Variants in HMGXB4 observed in about 807,000 individuals in gnomAD.
HMGXB4 encodes the protein HMG domain-containing protein 4.
Under a neutral mutation model 63.9 loss-of-function variants are expected in HMGXB4, and 27 were observed. The observed-to-expected ratio is 0.42, with a 90% CI of 0.31 to 0.58. The LOEUF is 0.58. Among genes scored for constraint, HMGXB4 ranks in the 20% least tolerant of loss-of-function variants. The pLI is 0.13. For missense variants in HMGXB4, 624 were observed against 700.7 expected, an observed-to-expected ratio of 0.89 and a Z score of 1.24; for synonymous variants, 264 against 265.3, an observed-to-expected ratio of 0.99 and a Z score of 0.05.
intron 1 of HMGXB4, chr22:35,262,015 G>T: frequency 4.7e-6 from 1 of 210,948 alleles, no homozygotes; most frequent in Admixed American, 5.4e-5. Flanking sequence ...CCCTGTCTCA[G>T]TGTTGTCAGT....
chr22:35,249,172 C>CCACAGACAAGGACCAG, the HMGXB4 span, among the ~76,000 whole-genome samples: 818 of 100,768 alleles, frequency 8.1e-3, 97 homozygotes, highest in Middle Eastern at 0.025. Flanking sequence ...GATTCTCCTG[C>CCACAGACAAGGACCAG]CTCGGCCTCC....
chr22:35,262,536 C>A, intron 2 of HMGXB4, 115 bp downstream of exon 2: 1 of 1,072,122 alleles, frequency 9.3e-7, no homozygotes, highest in South Asian at 1.3e-5. Context: ...AAGTGATGGT[C>A]CAGAGCACTG....
intron 5 of HMGXB4, among the ~76,000 whole-genome samples, chr22:35,280,975 A>G (rs1924206795): frequency 6.6e-6 from 1 of 152,232 alleles, no homozygotes; most frequent in South Asian, 2.1e-4. Flanking sequence ...TATTAGAATG[A>G]CATATTTAAC....
chr22:35,242,771 T>A, the HMGXB4 span, among the ~76,000 whole-genome samples: 187 of 152,266 alleles, frequency 1.2e-3, 1 homozygote, highest in African/African-American at 4.4e-3. Flanking sequence ...TATATTTCCC[T>A]CTCGGCCCGC....
At chr22:35,283,582 G>A (rs969323759) in intron 5 of HMGXB4, among the ~76,000 whole-genome samples, 1 of 152,138 alleles carries the variant, frequency 6.6e-6, no homozygotes, top group Non-Finnish European at 1.5e-5. Flanking sequence ...CTGAGGTCAG[G>A]AGTTCGAGAC....
chr22:35,265,881 G>A (rs1923212735), intron 5 of HMGXB4, among the ~76,000 whole-genome samples: 2 of 151,098 alleles, frequency 1.3e-5, no homozygotes, highest in Admixed American at 6.6e-5. Context: ...CCTCCTCCCA[G>A]GTTCAAGCCT....
At chr22:35,251,366 C>T in the HMGXB4 span, among the ~76,000 whole-genome samples, 2 of 152,190 alleles carry the variant, frequency 1.3e-5, no homozygotes, top group Non-Finnish European at 2.9e-5. Context: ...TAAGCCACCG[C>T]GCCCGGCCTA....
the HMGXB4 span, among the ~76,000 whole-genome samples, chr22:35,242,530 G>GCTCTCTCTCT: frequency 6.8e-5 from 10 of 146,066 alleles, no homozygotes; most frequent in African/African-American, 2.3e-4. Flanking sequence ...ATAGTAATCT[G>GCTCTCTCTCT]CTCTCTCTCT....
chr22:35,250,496 G>A, the HMGXB4 span, among the ~76,000 whole-genome samples: 1 of 152,132 alleles, frequency 6.6e-6, no homozygotes, highest in Non-Finnish European at 1.5e-5. Flanking sequence ...CATTACAGGA[G>A]CACAGCACCA....
chr22:35,265,014 A>G lies in HMGXB4; in HGVS notation c.626A>G (p.Glu209Gly). ...AAGGGAAGCAGCTCTGTTGATGAGG[A>G]GTCTTTTCAATATCCCTCCCAACAA... ...KEKGSSSVDE[E>G]SFQYPSQQAT... Residue 209 changes from glutamate to glycine, a missense_variant, in exon 5 of 11, where the codon GAG (glutamate) becomes GGG (glycine). Glu to Gly is a moderately conservative substitution (Grantham distance 98, BLOSUM62 -2). This residue lies in a region of HMGXB4 where 472 missense variants were observed against 470.6 expected (regional missense o/e 1.00). Coordinates refer to ENST00000216106, the MANE Select transcript of HMGXB4 (RefSeq NM_001003681.3). The G allele has an allele frequency of 6.2e-7, 1 of 1,613,828 alleles. No individual in the cohort carries two copies. Among genetic ancestry groups the G allele is most frequent in the Non-Finnish European group, 8.5e-7 (1 of 1,179,792 alleles).
the HMGXB4 span, among the ~76,000 whole-genome samples, chr22:35,246,098 C>T: frequency 6.6e-6 from 1 of 152,086 alleles, no homozygotes; most frequent in Non-Finnish European, 1.5e-5. Flanking sequence ...GGGACGAAAG[C>T]CCCAGCTTCC....
chr22:35,263,288 G>T (rs970637610), intron 3 of HMGXB4, 62 bp downstream of exon 3: 13 of 1,318,606 alleles, frequency 9.9e-6, no homozygotes, highest in African/African-American at 1.5e-5. Flanking sequence ...TGGTGATGCA[G>T]AGTTTTTTTT....
intron 1 of HMGXB4, among the ~76,000 whole-genome samples, chr22:35,260,735 T>C (rs918000983): frequency 1.3e-5 from 2 of 152,266 alleles, no homozygotes; most frequent in African/African-American, 4.8e-5. Context: ...CTTTTTTATG[T>C]TTCTTTTCTT....
the HMGXB4 span, among the ~76,000 whole-genome samples, chr22:35,252,366 C>T: frequency 6.6e-6 from 1 of 152,214 alleles, no homozygotes; most frequent in East Asian, 1.9e-4. Context: ...TGGACAACAA[C>T]TTTCCATTTC....
At chr22:35,280,539 C>T (rs562768292) in intron 5 of HMGXB4, among the ~76,000 whole-genome samples, 1 of 152,190 alleles carries the variant, frequency 6.6e-6, no homozygotes, top group Non-Finnish European at 1.5e-5. Context: ...ATCCCTTCCC[C>T]GCACTCCTGC....
In HMGXB4 at chr22:35,264,628, C is replaced by T; in HGVS notation, c.260-20C>T. On this transcript the variant is annotated intron_variant, in intron 4 of 10. Transcript: ENST00000216106. Reference sequence around the variant, plus strand: ...GTTGCTTCCCATCATATTGACAGTACTTCTCTTGATTATTTCTAGATATTT... The same window carrying T: ...GTTGCTTCCCATCATATTGACAGTATTTCTCTTGATTATTTCTAGATATTT... 6.6e-7 allele frequency: 1 copy of T among 1,524,548 alleles called. No individual in the cohort carries two copies. Among genetic ancestry groups the T allele is most frequent in the Non-Finnish European group, 8.8e-7 (1 of 1,134,826 alleles). 94.4% of individuals were successfully genotyped at this position (1,524,548 alleles called of 1,614,324 possible).
intron 5 of HMGXB4, among the ~76,000 whole-genome samples, chr22:35,282,641 C>G (rs918015935): frequency 5.3e-5 from 8 of 152,158 alleles, no homozygotes; most frequent in Admixed American, 5.2e-4. Context: ...TTAACTTTTT[C>G]TGTAAGGGAG....
At chr22:35,267,961 A>G (rs1923363682) in intron 5 of HMGXB4, among the ~76,000 whole-genome samples, 1 of 152,218 alleles carries the variant, frequency 6.6e-6, no homozygotes, top group South Asian at 2.1e-4. Context: ...ATTTGTAAAT[A>G]TGAAATTTAC....
chr22:35,287,622 C>G (rs543952179), intron 8 of HMGXB4, among the ~76,000 whole-genome samples, 170 bp downstream of exon 8: 1 of 152,264 alleles, frequency 6.6e-6, no homozygotes, highest in East Asian at 1.9e-4. Flanking sequence ...TTAGAAAATG[C>G]AAATCAGAAG....
Sources: allele counts gnomAD v4.1 joint callset (sites outside exome capture counted in the v4.1 genomes callset), GRCh38; gene constraint gnomAD v4.1.1; regional missense constraint gnomAD v4.1.1; transcripts MANE v1.5; gene names NCBI Gene and HGNC (gene_info 2026-07-23, HGNC 2026-07-21).